The following FHIT variants were observed in gnomAD, a reference collection of about 807,000 sequenced individuals.
The protein encoded by FHIT is bis(5'-adenosyl)-triphosphatase.
A neutral mutation model predicts 17.9 loss-of-function variants in FHIT; 19 were observed. That is an observed-to-expected ratio of 1.06 (90% CI 0.74 to 1.56). FHIT has a LOEUF of 1.56. FHIT is among the 40% of genes most tolerant of loss of function. The pLI is 0.00. For synonymous variants in FHIT, 81 were observed against 69.7 expected, an observed-to-expected ratio of 1.16 and a Z score of -0.81; for missense variants, 248 against 189.2, an observed-to-expected ratio of 1.31 and a Z score of -1.82.
chr3:61,240,508 A>G (rs1223082055), intron 1 of FHIT, among the ~76,000 whole-genome samples: 3 of 152,166 alleles, frequency 2.0e-5, no homozygotes, highest in African/African-American at 7.2e-5. Context: ...CCAACTGGCT[A>G]TAGAAACAAT....
chr3:60,446,012 G>A (rs1484181764), intron 5 of FHIT, among the ~76,000 whole-genome samples: 1 of 152,022 alleles, frequency 6.6e-6, no homozygotes, highest in Non-Finnish European at 1.5e-5. Flanking sequence ...AAATAGACCT[G>A]CTTCTTACTG....
chr3:61,211,115 C>A (rs766652208), intron 1 of FHIT, among the ~76,000 whole-genome samples: 1 of 151,828 alleles, frequency 6.6e-6, no homozygotes, highest in Non-Finnish European at 1.5e-5. Context: ...ATCTGAGGTA[C>A]CAGGTTCATC....
chr3:60,485,492 T>C (rs948298147), intron 5 of FHIT, among the ~76,000 whole-genome samples: 4 of 152,190 alleles, frequency 2.6e-5, no homozygotes, highest in African/African-American at 7.2e-5. Context: ...AATGAGATCA[T>C]GTCCTTTGCA....
intron 4 of FHIT, among the ~76,000 whole-genome samples, chr3:60,567,273 T>C (rs548890161): frequency 0.014 from 2,067 of 152,080 alleles, 24 homozygotes; most frequent in African/African-American, 0.046. Context: ...TATAGATCAA[T>C]GGAACAGAAC....
At chr3:60,614,686 T>C (rs2038889025) in intron 4 of FHIT, among the ~76,000 whole-genome samples, 2 of 152,154 alleles carry the variant, frequency 1.3e-5, no homozygotes, top group Non-Finnish European at 2.9e-5. Flanking sequence ...TACAGTGGAT[T>C]GACAGCATAG....
rs189139659 is a variant in FHIT, at chr3:61,132,254, G to A, written c.-164+68363C>T. Among the ~76,000 whole-genome samples the A allele has an allele frequency of 9.3e-4, 141 of 152,314 alleles. 1 individual carries two copies. Among genetic ancestry groups the A allele is most frequent in the Non-Finnish European group, 2.5e-4 (17 of 68,024 alleles). ...CTGCATGGGCCACCCACATGTCTTA[G>A]TTGAGCCCTACATGAGATCACCAGT... is the stretch of plus-strand genomic sequence containing the variant. On this transcript the variant is annotated intron_variant, in intron 2 of 9. Coordinates refer to ENST00000492590, the MANE Select transcript of FHIT (RefSeq NM_002012.4).
At chr3:61,166,799 G>A (rs1215331780) in intron 2 of FHIT, among the ~76,000 whole-genome samples, 1 of 152,204 alleles carries the variant, frequency 6.6e-6, no homozygotes, top group Admixed American at 6.5e-5. Context: ...CACTATGTGA[G>A]GCAATGGGCA....
chr3:60,191,793 C>A (rs568672679), intron 5 of FHIT, among the ~76,000 whole-genome samples: 1 of 151,998 alleles, frequency 6.6e-6, no homozygotes, highest in Non-Finnish European at 1.5e-5. Context: ...GCATTGAAAA[C>A]AGCAAAATGA....
At chr3:61,204,246 G>C (rs75809629) in intron 1 of FHIT, among the ~76,000 whole-genome samples, 9 of 152,230 alleles carry the variant, frequency 5.9e-5, no homozygotes, top group East Asian at 1.9e-4. Context: ...TCTTGAGAGT[G>C]GGAGAGGAGA....
At chr3:60,128,129 A>T (rs1212710310) in intron 5 of FHIT, among the ~76,000 whole-genome samples, 1 of 152,246 alleles carries the variant, frequency 6.6e-6, no homozygotes. Context: ...AATGACTAAA[A>T]GAAGATAAGT....
At chr3:61,008,537 T>C (rs2031592462) in intron 3 of FHIT, among the ~76,000 whole-genome samples, 1 of 151,026 alleles carries the variant, frequency 6.6e-6, no homozygotes, top group Non-Finnish European at 1.5e-5. Flanking sequence ...GAAGCCTCCC[T>C]GATAGAGGTG....
intron 4 of FHIT, among the ~76,000 whole-genome samples, chr3:60,667,779 G>T (rs528891243): frequency 1.3e-5 from 2 of 152,022 alleles, no homozygotes; most frequent in Non-Finnish European, 2.9e-5. Context: ...TAATCATGTG[G>T]GTCTTGGCTA....
intron 2 of FHIT, among the ~76,000 whole-genome samples, chr3:61,100,307 G>A (rs111935246): frequency 9.9e-5 from 15 of 152,256 alleles, no homozygotes; most frequent in East Asian, 7.7e-4. Context: ...GAGAACATGC[G>A]GTGTCCGGTT....
chr3:60,779,924 G>C (rs1224919397), intron 4 of FHIT, among the ~76,000 whole-genome samples: 1 of 152,176 alleles, frequency 6.6e-6, no homozygotes, highest in African/African-American at 2.4e-5. Flanking sequence ...CAGCAGGGGA[G>C]ATAGGGCATA....
At chr3:60,916,410 C>T (rs1308250740) in intron 3 of FHIT, among the ~76,000 whole-genome samples, 1 of 152,116 alleles carries the variant, frequency 6.6e-6, no homozygotes, top group Non-Finnish European at 1.5e-5. Context: ...GAAGGAATTC[C>T]AAAACAACCA....
intron 2 of FHIT, among the ~76,000 whole-genome samples, chr3:61,096,307 G>A (rs1379878485): frequency 6.6e-6 from 1 of 152,158 alleles, no homozygotes; most frequent in Non-Finnish European, 1.5e-5. Flanking sequence ...CAAAGTTCCT[G>A]CCACAATTTC....
At chr3:59,834,386 T>C (rs568100193) in intron 8 of FHIT, among the ~76,000 whole-genome samples, 3 of 152,202 alleles carry the variant, frequency 2.0e-5, no homozygotes, top group South Asian at 4.2e-4. Context: ...GACAGACAGA[T>C]AGGTAACTTA....
intron 5 of FHIT, among the ~76,000 whole-genome samples, chr3:60,270,944 A>G (rs1306512256): frequency 6.6e-6 from 1 of 152,200 alleles, no homozygotes; most frequent in African/African-American, 2.4e-5. Flanking sequence ...CAACTTTCAA[A>G]GGTCTCAAAC....
rs188480626 is a variant in FHIT, at chr3:61,099,660, G to C, written c.-163-57561C>G. On this transcript the variant is annotated intron_variant, in intron 2 of 9. Transcript: ENST00000492590. ...AGTCTTGGGTGGGTGAACGTGTCTAGGAATTTATTCATTTCTTCTAGATTT... is the reference window on the plus strand; with the variant it reads ...AGTCTTGGGTGGGTGAACGTGTCTACGAATTTATTCATTTCTTCTAGATTT... Among the ~76,000 whole-genome samples, 7 of 152,102 alleles carry C rather than the reference G, an allele frequency of 4.6e-5. No homozygotes were observed. In the East Asian group the frequency reaches 1.4e-3, roughly 29 times the overall value.
Sources: gnomAD v4.1 joint callset for allele counts (sites outside exome capture counted in the v4.1 genomes callset) on GRCh38, gnomAD v4.1.1 for gene constraint, MANE v1.5 for transcripts, NCBI Gene and HGNC (gene_info 2026-07-23, HGNC 2026-07-21) for gene names.